Variants in SOX6 observed in about 807,000 individuals in gnomAD.
SOX6 encodes transcription factor SOX-6.
In SOX6, 11 loss-of-function variants were observed where a neutral mutation model predicts 97.8. That is an observed-to-expected ratio of 0.11 (90% CI 0.07 to 0.19). The LOEUF is 0.19. SOX6 is among the 10% of genes least tolerant of loss of function. The pLI is 1.00. For synonymous variants in SOX6, 360 were observed against 371.4 expected (o/e 0.97, Z 0.35); for missense variants, 810 against 1,039.5 (o/e 0.78, Z 3.04).
intron 2 of SOX6, among the ~76,000 whole-genome samples, chr11:16,733,278 G>A (rs1463342091): frequency 1.3e-5 from 2 of 152,186 alleles, no homozygotes; most frequent in African/African-American, 2.4e-5. Context: ...AGATGCACAT[G>A]TATGTTTATT....
At chr11:16,314,209 A>T (rs1014339621) in intron 3 of SOX6, 2 of 152,074 alleles carry the variant, frequency 1.3e-5, no homozygotes, top group Non-Finnish European at 2.9e-5. Flanking sequence ...CTTATATCCC[A>T]TATGCATCTT....
chr11:16,477,172 G>A (rs1860267596), upstream of SOX6, among the ~76,000 whole-genome samples: 1 of 152,178 alleles, frequency 6.6e-6, no homozygotes, highest in Admixed American at 6.5e-5. Context: ...TTTCAAAAAT[G>A]TGAGCATGGC....
intron 9 of SOX6, among the ~76,000 whole-genome samples, chr11:16,085,681 C>T (rs576373660): frequency 6.6e-6 from 1 of 152,168 alleles, no homozygotes; most frequent in Non-Finnish European, 1.5e-5. Context: ...ACATAGCATT[C>T]TTATCCAATA....
At chr11:16,718,978 T>TAA (rs558276025) in intron 2 of SOX6, among the ~76,000 whole-genome samples, 20 of 86,826 alleles carry the variant, frequency 2.3e-4, no homozygotes, top group South Asian at 3.6e-4. Flanking sequence ...TTTTTAAAAT[T>TAA]AAAAAAAAAA....
chr11:16,223,651 T>C (rs576125719), intron 4 of SOX6, among the ~76,000 whole-genome samples: 2 of 152,100 alleles, frequency 1.3e-5, no homozygotes, highest in Non-Finnish European at 2.9e-5. Context: ...TAGAGAAAGG[T>C]TCCCCCTCAG....
intron 1 of SOX6, among the ~76,000 whole-genome samples, chr11:16,406,148 G>C (rs1858682837): frequency 6.6e-6 from 1 of 152,024 alleles, no homozygotes; most frequent in Admixed American, 6.6e-5. Flanking sequence ...TCCACTTTAA[G>C]TCTCACACAA....
intron 3 of SOX6, among the ~76,000 whole-genome samples, chr11:16,700,480 C>T (rs1054791745): frequency 6.6e-6 from 1 of 152,118 alleles, no homozygotes; most frequent in African/African-American, 2.4e-5. Context: ...ATTTGCTTTG[C>T]CCCATCCCCA....
chr11:16,160,911 A>G (rs900557448), intron 6 of SOX6, among the ~76,000 whole-genome samples: 7 of 152,208 alleles, frequency 4.6e-5, no homozygotes, highest in Admixed American at 6.5e-5. Context: ...AAAGTTTTAA[A>G]CTCTTGATCC....
At chr11:15,994,841 C>T (rs1379325031) in intron 13 of SOX6, among the ~76,000 whole-genome samples, 1 of 152,044 alleles carries the variant, frequency 6.6e-6, no homozygotes, top group East Asian at 1.9e-4. Flanking sequence ...AATATAAACT[C>T]TGAACAAAAT....
At chr11:16,706,226 G>T (rs1848130904) in intron 3 of SOX6, among the ~76,000 whole-genome samples, 1 of 150,740 alleles carries the variant, frequency 6.6e-6, no homozygotes, top group East Asian at 2.0e-4. Context: ...GATCACTTGA[G>T]GCCTCCAGTT....
Position 16,738,348 on chromosome 11 carries a change from G to C in SOX6, n.219+77C>G, listed in dbSNP as rs192764218. 7.8e-5 allele frequency: 15 copies of C among 193,232 alleles called. No homozygotes were observed. The East Asian group carries it at 1.1e-3, about 14-fold the overall frequency. The allele number at this position is 193,232 out of a possible 1,614,324, so 12.0% of individuals were successfully genotyped here. A position where few individuals can be genotyped will look rare whatever the true frequency, so the allele number is the denominator to read the frequency against. ...GCTACGATGATACATTTGCCAGTAG[G>C]GCAGCGTTGCACGGTGAAAGGCAAA... is the stretch of plus-strand genomic sequence containing the variant. On this transcript the variant is annotated intron_variant and non_coding_transcript_variant, in intron 1 of 5. Coordinates refer to the SOX6 transcript ENST00000524520.
At chr11:16,199,529 T>C (rs1851877509) in intron 4 of SOX6, among the ~76,000 whole-genome samples, 1 of 152,134 alleles carries the variant, frequency 6.6e-6, no homozygotes, top group Non-Finnish European at 1.5e-5. Flanking sequence ...ACTATAAATG[T>C]TTCTGGAAAA....
intron 3 of SOX6, among the ~76,000 whole-genome samples, chr11:16,681,208 A>T (rs552615775): frequency 6.6e-6 from 1 of 152,360 alleles, no homozygotes; most frequent in African/African-American, 2.4e-5. Flanking sequence ...CGTAATTGGA[A>T]GTAAAACACT....
At chr11:16,292,364 G>A (rs1012086136) in intron 3 of SOX6, among the ~76,000 whole-genome samples, 3 of 152,050 alleles carry the variant, frequency 2.0e-5, no homozygotes, top group African/African-American at 7.2e-5. Context: ...GTGGTAATCT[G>A]GCGCTTTGGA....
intron 1 of SOX6, among the ~76,000 whole-genome samples, chr11:16,466,652 C>T (rs1161684717): frequency 1.3e-5 from 2 of 150,994 alleles, no homozygotes; most frequent in African/African-American, 4.8e-5. Flanking sequence ...CAACTCCGGC[C>T]GGGCGCGGTG....
chr11:16,539,554 C>G (rs1057020168), intron 4 of SOX6, among the ~76,000 whole-genome samples: 1 of 151,700 alleles, frequency 6.6e-6, no homozygotes, highest in Non-Finnish European at 1.5e-5. Context: ...AAAAGATGAA[C>G]AAAATTGATA....
chr11:16,399,468 C>A (rs1174092047), intron 1 of SOX6, among the ~76,000 whole-genome samples: 1 of 151,162 alleles, frequency 6.6e-6, no homozygotes, highest in Non-Finnish European at 1.5e-5. Context: ...TCAAGTGATC[C>A]TCTCACCTCA....
chr11:16,513,772 C>T, intron 4 of SOX6, among the ~76,000 whole-genome samples: 1 of 152,264 alleles, frequency 6.6e-6, no homozygotes, highest in East Asian at 1.9e-4. Flanking sequence ...AAGAACACCA[C>T]TAGAACATTA....
At chr11:16,168,956 T>C (rs1369425876) in intron 6 of SOX6, among the ~76,000 whole-genome samples, 1 of 152,160 alleles carries the variant, frequency 6.6e-6, no homozygotes, top group Non-Finnish European at 1.5e-5. Context: ...ACAGCTACCA[T>C]GTACAGCAGA....
Sources: gnomAD v4.1 joint callset for allele counts (sites outside exome capture counted in the v4.1 genomes callset) on GRCh38, gnomAD v4.1.1 for gene constraint, MANE v1.5 for transcripts, NCBI Gene and HGNC (gene_info 2026-07-23, HGNC 2026-07-21) for gene names.